Variants in SNTG1 observed in about 807,000 individuals in gnomAD.
The protein encoded by SNTG1 is syntrophin gamma 1, also known as gamma-1-syntrophin.
SNTG1 carries 39 observed loss-of-function variants against 74.7 expected under a neutral mutation model. That is an observed-to-expected ratio of 0.52 (90% confidence interval 0.40 to 0.68). SNTG1 has a LOEUF of 0.68. Among genes scored for constraint, SNTG1 ranks in the 30% least tolerant of loss-of-function variants. The pLI is 0.00. For missense variants in SNTG1, 685 were observed against 609.5 expected (o/e 1.12, Z -1.30); for synonymous variants, 254 against 217.1 (o/e 1.17, Z -1.49).
intron 8 of SNTG1, among the ~76,000 whole-genome samples, chr8:50,486,711 G>T (rs1335274781): frequency 6.6e-6 from 1 of 150,668 alleles, no homozygotes; most frequent in Admixed American, 6.6e-5. Flanking sequence ...GTGAGAGAGG[G>T]CATCCCTATC....
At chr8:50,604,184 T>G (rs10090779) in intron 13 of SNTG1, among the ~76,000 whole-genome samples, 1 of 152,048 alleles carries the variant, frequency 6.6e-6, no homozygotes, top group African/African-American at 2.4e-5. Context: ...TTTGGGAGGC[T>G]GAGGCAGGCA....
At chr8:50,528,840 G>T (rs1322188548) in intron 9 of SNTG1, among the ~76,000 whole-genome samples, 3 of 149,186 alleles carry the variant, frequency 2.0e-5, no homozygotes, top group Non-Finnish European at 4.5e-5. Context: ...TAATTTATTA[G>T]TTTCCCCAAA....
chr8:50,581,705 T>C (rs904291116), intron 12 of SNTG1, among the ~76,000 whole-genome samples: 9 of 152,096 alleles, frequency 5.9e-5, no homozygotes, highest in Non-Finnish European at 1.3e-4. Context: ...GAAGGGGAAA[T>C]GGAAGCTTTT....
At chr8:50,686,156 C>G (rs544427372) in intron 15 of SNTG1, among the ~76,000 whole-genome samples, 1 of 152,102 alleles carries the variant, frequency 6.6e-6, no homozygotes. Context: ...TCAATCAATT[C>G]TTTTAATATT....
chr8:50,683,936 A>G (rs1056839099), intron 15 of SNTG1, among the ~76,000 whole-genome samples: 5 of 152,232 alleles, frequency 3.3e-5, no homozygotes, highest in African/African-American at 1.2e-4. Context: ...ACAATTGAAG[A>G]AAGATTAGGA....
chr8:50,087,289 C>G (rs1181419616), intron 1 of SNTG1, among the ~76,000 whole-genome samples: 1 of 152,122 alleles, frequency 6.6e-6, no homozygotes, highest in East Asian at 1.9e-4. Flanking sequence ...CTGAAAGGGT[C>G]AAGTTTGTCT....
At chr8:50,391,697 C>G (rs757973536) in intron 2 of SNTG1, among the ~76,000 whole-genome samples, 19 of 152,178 alleles carry the variant, frequency 1.2e-4, no homozygotes, top group Non-Finnish European at 2.1e-4. Context: ...AATCCATCTG[C>G]TCCTGGATTT....
At chr8:50,133,197 A>G (rs1235083189) in intron 1 of SNTG1, among the ~76,000 whole-genome samples, 1 of 152,148 alleles carries the variant, frequency 6.6e-6, no homozygotes, top group Non-Finnish European at 1.5e-5. Flanking sequence ...TCAATTCTAG[A>G]ACACGATTCA....
chr8:50,265,286 G>A (rs2087405897), intron 2 of SNTG1, among the ~76,000 whole-genome samples: 1 of 151,782 alleles, frequency 6.6e-6, no homozygotes. Flanking sequence ...CCACAACCCG[G>A]TATCACATAT....
At chr8:49,949,461 A>G (rs442875) in intron 1 of SNTG1, among the ~76,000 whole-genome samples, 13,239 of 152,172 alleles carry the variant, frequency 0.087, 1,875 homozygotes, top group African/African-American at 0.3. Context: ...TCTTATAGAC[A>G]TGAAGCTCAC....
intron 1 of SNTG1, among the ~76,000 whole-genome samples, chr8:50,107,331 T>C (rs1410869806): frequency 6.6e-6 from 1 of 152,098 alleles, no homozygotes; most frequent in African/African-American, 2.4e-5. Flanking sequence ...CATAGACAGA[T>C]AGATATGTAG....
At chr8:50,025,529 A>G (rs1178494888) in intron 1 of SNTG1, among the ~76,000 whole-genome samples, 1 of 152,178 alleles carries the variant, frequency 6.6e-6, no homozygotes, top group African/African-American at 2.4e-5. Flanking sequence ...ATAATAAATC[A>G]AAGAGAAGAG....
chr8:50,295,201 A>C (rs1289034269), intron 2 of SNTG1, among the ~76,000 whole-genome samples: 1 of 152,236 alleles, frequency 6.6e-6, no homozygotes, highest in Non-Finnish European at 1.5e-5. Flanking sequence ...CGTTTTAAAC[A>C]AGAAATAATA....
chr8:50,142,418 T>C (rs1405594791), intron 1 of SNTG1, among the ~76,000 whole-genome samples: 2 of 151,808 alleles, frequency 1.3e-5, no homozygotes, highest in Admixed American at 6.6e-5. Flanking sequence ...AGGAATTTCA[T>C]AGCAAACATA....
chr8:50,460,121 C>T (rs554483934), intron 8 of SNTG1, among the ~76,000 whole-genome samples: 1 of 152,274 alleles, frequency 6.6e-6, no homozygotes, highest in East Asian at 1.9e-4. Context: ...AGTTTACATT[C>T]CCACCAACAG....
intron 2 of SNTG1, among the ~76,000 whole-genome samples, chr8:50,239,470 T>C (rs1265323632): frequency 2.0e-5 from 3 of 152,148 alleles, no homozygotes; most frequent in Non-Finnish European, 1.5e-5. Flanking sequence ...CTACCATTTA[T>C]AAAACCATCA....
chr8:50,013,805 A>G (rs186642022), intron 1 of SNTG1, among the ~76,000 whole-genome samples: 65 of 152,256 alleles, frequency 4.3e-4, no homozygotes, highest in African/African-American at 1.5e-3. Context: ...ATATATAAGC[A>G]TAATCATGGG....
At chr8:50,075,658 A>C (rs1388939061) in intron 1 of SNTG1, among the ~76,000 whole-genome samples, 1 of 152,172 alleles carries the variant, frequency 6.6e-6, no homozygotes, top group Non-Finnish European at 1.5e-5. Flanking sequence ...TTCTTTCAGT[A>C]AATCTTGCTG....
At chr8:50,228,673 T>C (rs1021894078) in intron 2 of SNTG1, among the ~76,000 whole-genome samples, 2 of 151,890 alleles carry the variant, frequency 1.3e-5, no homozygotes, top group Admixed American at 1.3e-4. Context: ...CCGTTCTCTA[T>C]GTTCTGCAAA....
Sources: allele counts gnomAD v4.1 joint callset (sites outside exome capture counted in the v4.1 genomes callset), GRCh38; gene constraint gnomAD v4.1.1; transcripts MANE v1.5; gene names NCBI Gene and HGNC (gene_info 2026-07-23, HGNC 2026-07-21).